Variants in MLLT3 observed in about 807,000 individuals in gnomAD.
MLLT3 encodes the protein protein AF-9.
In MLLT3, 4 loss-of-function variants were observed where a neutral mutation model predicts 53.2. The observed-to-expected ratio is 0.08, with a 90% CI of 0.04 to 0.17. The LOEUF is 0.17. MLLT3 is among the 10% of genes least tolerant of loss of function. The probability of loss-of-function intolerance (pLI) is 1.00; values close to 1 mark genes in which losing one functional copy is unlikely to be tolerated. For missense variants in MLLT3, 569 were observed against 684.0 expected (o/e 0.83, Z 1.87); for synonymous variants, 283 against 230.6 (o/e 1.23, Z -2.06).
At chr9:20,593,998 T>A (rs573126357) in intron 2 of MLLT3, among the ~76,000 whole-genome samples, 3 of 151,410 alleles carry the variant, frequency 2.0e-5, no homozygotes, top group African/African-American at 4.8e-5. Context: ...TGGAGTGCAG[T>A]GGTGTGATCT....
At chr9:20,445,460 G>T (rs1823670601) in intron 4 of MLLT3, among the ~76,000 whole-genome samples, 1 of 152,070 alleles carries the variant, frequency 6.6e-6, no homozygotes, top group Non-Finnish European at 1.5e-5. Context: ...CAAAAAAGTT[G>T]TTATAGGCTT....
At chr9:20,557,764 G>C (rs996266236) in intron 2 of MLLT3, among the ~76,000 whole-genome samples, 1 of 152,140 alleles carries the variant, frequency 6.6e-6, no homozygotes, top group African/African-American at 2.4e-5. Context: ...ATTTTAATTA[G>C]CGAGTAATTC....
At chr9:20,411,851 G>C (rs1563955468) in intron 5 of MLLT3, 1 of 152,152 alleles carries the variant, frequency 6.6e-6, no homozygotes, top group Non-Finnish European at 1.5e-5. Flanking sequence ...CATGTAGAAA[G>C]AGCTTTCAAT....
chr9:20,525,775 A>G (rs778545921), intron 2 of MLLT3, among the ~76,000 whole-genome samples: 1 of 152,222 alleles, frequency 6.6e-6, no homozygotes, highest in Non-Finnish European at 1.5e-5. Context: ...GTGTCAGTCC[A>G]GGCTTTTAAT....
chr9:20,439,539 A>G (rs1186162138), intron 4 of MLLT3, among the ~76,000 whole-genome samples: 2 of 152,070 alleles, frequency 1.3e-5, no homozygotes, highest in African/African-American at 4.8e-5. Context: ...CAATGTTAAA[A>G]TTTCTGGGTC....
chr9:20,404,015 TTCTC>T (rs1166843196), intron 5 of MLLT3, among the ~76,000 whole-genome samples: 4 of 152,078 alleles, frequency 2.6e-5, no homozygotes, highest in Non-Finnish European at 5.9e-5. Flanking sequence ...GAGATGAGAT[TTCTC>T]CATGTTGCCC....
intron 2 of MLLT3, among the ~76,000 whole-genome samples, chr9:20,567,304 T>TAAA (rs35505450): frequency 1.0e-3 from 82 of 79,868 alleles, no homozygotes; most frequent in Middle Eastern, 6.1e-3. Flanking sequence ...CTATATTCAG[T>TAAA]AAAAAAAAAA....
intron 8 of MLLT3, among the ~76,000 whole-genome samples, chr9:20,359,591 C>A (rs147802120): frequency 3.8e-4 from 58 of 152,254 alleles, no homozygotes; most frequent in Non-Finnish European, 6.5e-4. Context: ...TATAGACAAA[C>A]CTTATAAATG....
At chr9:20,545,856 C>CAAAAAA (rs5896901) in intron 2 of MLLT3, among the ~76,000 whole-genome samples, 1 of 99,856 alleles carries the variant, frequency 1.0e-5, no homozygotes, top group African/African-American at 4.4e-5. Context: ...CAGTCTCTAC[C>CAAAAAA]AAAAAAAAAA....
chr9:20,354,750 A>G, intron 9 of MLLT3, 58 bp downstream of exon 9: 1 of 1,172,312 alleles, frequency 8.5e-7, no homozygotes, highest in Non-Finnish European at 1.3e-6. Context: ...AGGGCAACAC[A>G]AAGAAACGGA....
At chr9:20,424,557 C>T (rs1449495609) in intron 4 of MLLT3, among the ~76,000 whole-genome samples, 2 of 151,922 alleles carry the variant, frequency 1.3e-5, no homozygotes, top group East Asian at 3.9e-4. Flanking sequence ...TTATAAGGGC[C>T]CCTATAGGCT....
intron 10 of MLLT3, among the ~76,000 whole-genome samples, chr9:20,350,206 G>GT (rs900390683): frequency 6.6e-6 from 1 of 152,232 alleles, no homozygotes; most frequent in African/African-American, 2.4e-5. Context: ...TGCTGATGCA[G>GT]TGTGGCTTGA....
chr9:20,378,794 C>T (rs907182546), intron 5 of MLLT3, among the ~76,000 whole-genome samples: 2 of 152,006 alleles, frequency 1.3e-5, no homozygotes, highest in African/African-American at 4.8e-5. Flanking sequence ...TGAAAATGAA[C>T]TAAAGTAGCA....
chr9:20,351,150 T>C (rs969550775), intron 10 of MLLT3, among the ~76,000 whole-genome samples: 1 of 152,218 alleles, frequency 6.6e-6, no homozygotes, highest in African/African-American at 2.4e-5. Context: ...AGAACATCAT[T>C]TTCATCAGAA....
At chr9:20,402,775 C>G (rs1291681379) in intron 5 of MLLT3, among the ~76,000 whole-genome samples, 1 of 152,098 alleles carries the variant, frequency 6.6e-6, no homozygotes, top group East Asian at 1.9e-4. Context: ...AATTAACTTA[C>G]ATGACATCCT....
At chr9:20,616,103 G>A (rs571880779) in intron 2 of MLLT3, among the ~76,000 whole-genome samples, 1 of 152,198 alleles carries the variant, frequency 6.6e-6, no homozygotes, top group African/African-American at 2.4e-5. Context: ...ATTTGTAAGT[G>A]TAAAAGGATC....
At chr9:20,458,909 T>C (rs1178804196) in intron 2 of MLLT3, among the ~76,000 whole-genome samples, 1 of 152,178 alleles carries the variant, frequency 6.6e-6, no homozygotes, top group Non-Finnish European at 1.5e-5. Context: ...AATTGCCATG[T>C]AGCCTTTTGG....
intron 8 of MLLT3, among the ~76,000 whole-genome samples, chr9:20,355,766 T>C (rs1002711884): frequency 5.3e-5 from 8 of 152,082 alleles, no homozygotes; most frequent in African/African-American, 1.9e-4. Context: ...ATGAAGTGAG[T>C]TGTTATAACT....
chr9:20,587,685 GTTGT>G (rs946893365), intron 2 of MLLT3, among the ~76,000 whole-genome samples: 44 of 152,248 alleles, frequency 2.9e-4, no homozygotes, highest in African/African-American at 8.9e-4. Context: ...TGTTGATGGG[GTTGT>G]TTGTTTTTTT....
Sources: allele counts gnomAD v4.1 joint callset (sites outside exome capture counted in the v4.1 genomes callset), GRCh38; gene constraint gnomAD v4.1.1; transcripts MANE v1.5; gene names NCBI Gene and HGNC (gene_info 2026-07-23, HGNC 2026-07-21).